Variants in RAD50 observed in about 807,000 individuals in gnomAD.
RAD50 encodes the protein RAD50 double strand break repair protein.
In RAD50, 132 loss-of-function variants were observed where a neutral mutation model predicts 168.8. The observed-to-expected ratio is 0.78, with a 90% confidence interval of 0.68 to 0.90. The LOEUF (loss-of-function observed/expected upper bound fraction) is 0.90, where lower values mean the gene tolerates loss of function less well. Among genes scored for constraint, RAD50 ranks in the 40% least tolerant of loss-of-function variants. The pLI is 0.00. For missense variants in RAD50, 1,347 were observed against 1,534.4 expected (o/e 0.88, Z 2.04); for synonymous variants, 525 against 497.4 (o/e 1.06, Z -0.74).
At chr5:132,589,243 G>C (rs1361834325) in intron 8 of RAD50, among the ~76,000 whole-genome samples, 1 of 152,088 alleles carries the variant, frequency 6.6e-6, no homozygotes, top group Admixed American at 6.5e-5. Context: ...ATTTGACATT[G>C]GTCCCATAAA....
chr5:132,640,929 C>T, intron 24 of RAD50, 124 bp downstream of exon 24: 1 of 1,498,530 alleles, frequency 6.7e-7, no homozygotes. Flanking sequence ...TTCCCCACTT[C>T]TTGGGGAAGC....
intron 5 of RAD50, among the ~76,000 whole-genome samples, chr5:132,585,699 G>A (rs1750584976): frequency 1.3e-5 from 2 of 150,862 alleles, no homozygotes; most frequent in South Asian, 4.2e-4. Context: ...TGACTCCCAG[G>A]CTCAAGTGAT....
chr5:132,571,584 G>A (rs1161516463), intron 2 of RAD50, among the ~76,000 whole-genome samples: 1 of 152,136 alleles, frequency 6.6e-6, no homozygotes, highest in African/African-American at 2.4e-5. Flanking sequence ...GGGGTGTGGT[G>A]GCATGCACCT....
At chr5:132,621,853 T>C (rs891293939) in intron 21 of RAD50, among the ~76,000 whole-genome samples, 5 of 152,194 alleles carry the variant, frequency 3.3e-5, no homozygotes, top group Non-Finnish European at 7.3e-5. Context: ...CTTCTGCTCA[T>C]AAATTATGCT....
intron 3 of RAD50, among the ~76,000 whole-genome samples, chr5:132,576,384 C>T (rs974707186): frequency 2.0e-5 from 3 of 152,134 alleles, no homozygotes; most frequent in Admixed American, 2.0e-4. Context: ...TCCTTTCAAC[C>T]ATTATCATTC....
At position 132,588,780 on chromosome 5, in the gene RAD50, GC is replaced by G; in HGVS notation, c.1146del (p.Phe383LeufsTer18). On this transcript the variant is annotated frameshift_variant, in exon 8 of 25. Coordinates refer to ENST00000378823, the MANE Select transcript of RAD50 (RefSeq NM_005732.4). LOFTEE classifies it high-confidence loss of function. Reference protein sequence around the residue: ...QSLATQLELDGFERGPFSERQ... With the variant: ...QSLATQLELDXFERGPFSERQ... Reference sequence around the variant, plus strand: ...TTGGCAACACAGCTAGAATTGGATGGCTTTGAGCGTGGACCATTCAGTGAAA... The same window carrying G: ...TTGGCAACACAGCTAGAATTGGATGGTTTGAGCGTGGACCATTCAGTGAAA... The G allele has an allele frequency of 6.2e-7, 1 of 1,613,874 alleles. No homozygotes were observed. The highest frequency in any genetic ancestry group is 8.5e-7 in the Non-Finnish European group (1 of 1,179,844).
chr5:132,568,009 A>G (rs2149833954), intron 2 of RAD50, among the ~76,000 whole-genome samples: 1 of 152,334 alleles, frequency 6.6e-6, no homozygotes, highest in South Asian at 2.1e-4. Context: ...AAAAGTGAGT[A>G]GAAGCAGATC....
At chr5:132,590,950 T>C (rs960896283) in intron 9 of RAD50, among the ~76,000 whole-genome samples, 2 of 152,212 alleles carry the variant, frequency 1.3e-5, no homozygotes, top group African/African-American at 2.4e-5. Context: ...CTTAGACACA[T>C]GTCTCCTAAT....
rs772944880 is a variant in RAD50 at position 132,643,692 on chromosome 5, T to G, written c.*1328T>G. ...GCAGATGTGATTAAAGCTAAGGACC[T>G]TAAGACAGAGTATCCTGGGGGTGGT... is the stretch of plus-strand genomic sequence containing the variant. On this transcript the variant is annotated 3_prime_UTR_variant, in exon 25 of 25. Transcript: ENST00000378823. 1.4e-4 allele frequency: 28 copies of G among 197,806 alleles called. No individual in the cohort carries two copies. Among genetic ancestry groups the G allele is most frequent in the Non-Finnish European group, 2.4e-4 (23 of 97,232 alleles). 12.3% of individuals were successfully genotyped at this position (197,806 alleles called of 1,614,324 possible).
rs116614427 is a variant in RAD50 at position 132,608,248 on chromosome 5, T to G, written c.2719-367T>G. Among the ~76,000 whole-genome samples the G allele has an allele frequency of 4.3e-3, 655 of 152,352 alleles. 8 individuals carry two copies. The highest frequency in any genetic ancestry group is 0.015 in the African/African-American group (631 of 41,572). ...CCTATAAAATCATGAAAACTCATGC[T>G]TGAAGCCACACGCTAATATAATTGG... On this transcript the variant is annotated intron_variant, in intron 16 of 24. Transcript: ENST00000378823.
intron 23 of RAD50, 50 bp from the exon 24 acceptor site, chr5:132,640,622 T>C (rs775727997): frequency 6.2e-7 from 1 of 1,611,338 alleles, no homozygotes. Flanking sequence ...TTGCCTGCCA[T>C]GAGATGAGAA....
intron 2 of RAD50, among the ~76,000 whole-genome samples, chr5:132,568,475 A>G (rs182458931): frequency 1.6e-4 from 24 of 152,280 alleles, no homozygotes; most frequent in African/African-American, 4.3e-4. Flanking sequence ...AGTAATAAAA[A>G]CTATAAAAAA....
intron 2 of RAD50, among the ~76,000 whole-genome samples, chr5:132,568,808 C>T (rs915402078): frequency 1.4e-4 from 21 of 152,222 alleles, no homozygotes; most frequent in Admixed American, 1.2e-3. Flanking sequence ...TTGTTACAGA[C>T]AGGCTTGCAC....
chr5:132,635,853 G>C (rs1449260810), intron 21 of RAD50, among the ~76,000 whole-genome samples: 1 of 152,116 alleles, frequency 6.6e-6, no homozygotes, highest in African/African-American at 2.4e-5. Context: ...CCTTTTGAAA[G>C]GAGCATAAAA....
At chr5:132,589,563 C>G (rs1750659292) in intron 8 of RAD50, 68 bp from the exon 9 acceptor site, 4 of 1,248,112 alleles carry the variant, frequency 3.2e-6, no homozygotes, top group Non-Finnish European at 4.4e-6. Flanking sequence ...ACATATATTC[C>G]TTTTGCAATT....
At position 132,643,852 on chromosome 5, in the gene RAD50, C is replaced by A; in HGVS notation, c.*1488C>A. Reference sequence around the variant, plus strand: ...TGCAAGATTTCAGAAAATGAAAAATCTGTTGATAAATCCATCACTATAATA... The same window carrying A: ...TGCAAGATTTCAGAAAATGAAAAATATGTTGATAAATCCATCACTATAATA... On this transcript the variant is annotated 3_prime_UTR_variant, in exon 25 of 25. Coordinates refer to ENST00000378823, the MANE Select transcript of RAD50 (RefSeq NM_005732.4). The A allele has an allele frequency of 4.3e-6, 1 of 231,386 alleles. No individual in the cohort carries two copies. The highest frequency in any genetic ancestry group is 6.1e-5 in the East Asian group (1 of 16,342). 14.3% of individuals were successfully genotyped at this position (231,386 alleles called of 1,614,324 possible).
chr5:132,571,693 G>A (rs1352995233), intron 2 of RAD50, among the ~76,000 whole-genome samples: 1 of 152,010 alleles, frequency 6.6e-6, no homozygotes, highest in African/African-American at 2.4e-5. Flanking sequence ...ACTCCAGCCT[G>A]GATGACAAAG....
chr5:132,611,172 CCT>C (rs1342995448), intron 19 of RAD50, among the ~76,000 whole-genome samples: 1 of 151,972 alleles, frequency 6.6e-6, no homozygotes, highest in Admixed American at 6.6e-5. Flanking sequence ...AGACGGATCA[CCT>C]GAGGTCAGGA....
chr5:132,588,679 T>C lies in RAD50; in HGVS notation c.1052-8T>C. On this transcript the variant is annotated splice_polypyrimidine_tract_variant and splice_region_variant and intron_variant, in intron 7 of 24. Transcript: ENST00000378823. The stretch of plus-strand genomic sequence containing the variant: ...GAAAAAAAAATTATGAGATTTTTTT[T>C]TTAAAAGGTCGTCTACAGCTGCAAG... The C allele has an allele frequency of 6.2e-7, 1 of 1,608,650 alleles. No homozygotes were observed. The highest frequency in any genetic ancestry group is 8.5e-7 in the Non-Finnish European group (1 of 1,178,408).
Sources: allele counts gnomAD v4.1 joint callset (sites outside exome capture counted in the v4.1 genomes callset), GRCh38; gene constraint gnomAD v4.1.1; transcripts MANE v1.5; gene names NCBI Gene and HGNC (gene_info 2026-07-23, HGNC 2026-07-21).